The following PPIL6 variants were observed in gnomAD, a reference collection of about 807,000 sequenced individuals.
The protein encoded by PPIL6 is peptidylprolyl isomerase like 6.
Under a neutral mutation model 36.8 loss-of-function variants are expected in PPIL6, and 39 were observed. The ratio of observed to expected loss-of-function variants is 1.06; its 90% CI spans 0.82 to 1.38. The LOEUF is 1.38. PPIL6 is among the 40% of genes most tolerant of loss of function. PPIL6 has a pLI of 0.00. For synonymous variants in PPIL6, 123 were observed against 134.1 expected (o/e 0.92, Z 0.57); for missense variants, 368 against 379.1 (o/e 0.97, Z 0.24).
chr6:109,400,339 G>A (rs1022836806), intron 6 of PPIL6, among the ~76,000 whole-genome samples, 169 bp from the exon 7 acceptor site: 4 of 151,992 alleles, frequency 2.6e-5, no homozygotes, highest in African/African-American at 9.7e-5. Flanking sequence ...ACATGCAAAT[G>A]GGCTGTTTAA....
intron 7 of PPIL6, among the ~76,000 whole-genome samples, chr6:109,395,484 C>T (rs1772257441): frequency 2.0e-5 from 3 of 151,928 alleles, no homozygotes; most frequent in Admixed American, 1.3e-4. Context: ...CCAGTGGCCA[C>T]ATGTGGCCAG....
chr6:109,401,999 A>G (rs1314081637), intron 6 of PPIL6, among the ~76,000 whole-genome samples: 1 of 151,846 alleles, frequency 6.6e-6, no homozygotes, highest in Non-Finnish European at 1.5e-5. Context: ...CTGGGATTAC[A>G]GGCGTGAGCC....
At chr6:109,424,353 C>CACA (rs879306101) in intron 5 of PPIL6, among the ~76,000 whole-genome samples, 2 of 151,938 alleles carry the variant, frequency 1.3e-5, no homozygotes, top group Non-Finnish European at 2.9e-5. Flanking sequence ...GTGTGTGCAA[C>CACA]CGAGTGTGTA....
intron 6 of PPIL6, among the ~76,000 whole-genome samples, chr6:109,404,679 A>G (rs1772714854): frequency 6.6e-6 from 1 of 152,220 alleles, no homozygotes; most frequent in Non-Finnish European, 1.5e-5. Context: ...TGTCACTTGC[A>G]TGTTTTCATT....
At chr6:109,437,907 T>C (rs1774544716) in intron 1 of PPIL6, among the ~76,000 whole-genome samples, 1 of 152,216 alleles carries the variant, frequency 6.6e-6, no homozygotes, top group Non-Finnish European at 1.5e-5. Flanking sequence ...GAATAAACTA[T>C]AAATCCAGCA....
At chr6:109,440,987 G>A (rs1206789312), upstream of PPIL6, 46 of 842,098 alleles carry the variant, frequency 5.5e-5, no homozygotes, top group South Asian at 6.0e-4. Context: ...AGCCACGCGG[G>A]CTTGGTGCCC....
chr6:109,417,822 G>C (rs1288607814), intron 6 of PPIL6, among the ~76,000 whole-genome samples: 1 of 152,170 alleles, frequency 6.6e-6, no homozygotes, highest in Non-Finnish European at 1.5e-5. Context: ...TCTTGTTACT[G>C]ATCGCTATAG....
chr6:109,434,106 G>GA (rs898211453), intron 2 of PPIL6, among the ~76,000 whole-genome samples: 17 of 151,048 alleles, frequency 1.1e-4, no homozygotes, highest in African/African-American at 3.9e-4. Context: ...TGATAAAAAA[G>GA]AAAAAAAAAG....
intron 6 of PPIL6, among the ~76,000 whole-genome samples, chr6:109,418,600 G>A (rs934265400): frequency 6.7e-6 from 1 of 148,890 alleles, no homozygotes; most frequent in Non-Finnish European, 1.5e-5. Flanking sequence ...AGGCTGGAGT[G>A]CAGTGGCACC....
At chr6:109,427,766 T>C (rs1196248446) in intron 3 of PPIL6, among the ~76,000 whole-genome samples, 1 of 152,268 alleles carries the variant, frequency 6.6e-6, no homozygotes, top group African/African-American at 2.4e-5. Flanking sequence ...GTGAAACACA[T>C]GGCCTAGATA....
chr6:109,399,552 G>A (rs1772442418), intron 7 of PPIL6, among the ~76,000 whole-genome samples: 1 of 152,154 alleles, frequency 6.6e-6, no homozygotes, highest in South Asian at 2.1e-4. Flanking sequence ...ACAGGCACAT[G>A]CCATCATGCC....
chr6:109,436,928 TAC>T (rs1446639652), intron 1 of PPIL6, among the ~76,000 whole-genome samples: 4 of 152,208 alleles, frequency 2.6e-5, no homozygotes, highest in Non-Finnish European at 5.9e-5. Context: ...TCGGTGGATC[TAC>T]AGATACTTTA....
At chr6:109,419,697 T>C (rs764682340) in intron 5 of PPIL6, among the ~76,000 whole-genome samples, 1 of 151,728 alleles carries the variant, frequency 6.6e-6, no homozygotes, top group Non-Finnish European at 1.5e-5. Context: ...CACTCCAGCC[T>C]GAGCAACGAG....
chr6:109,419,291 T>A, intron 5 of PPIL6, 48 bp from the exon 6 acceptor site: 1 of 1,271,494 alleles, frequency 7.9e-7, no homozygotes, highest in African/African-American at 1.5e-5. Context: ...ATGAAAAGAT[T>A]TAGGATACAA....
chr6:109,439,577 G>C (rs1370611684), intron 1 of PPIL6, among the ~76,000 whole-genome samples: 1 of 152,104 alleles, frequency 6.6e-6, no homozygotes, highest in Non-Finnish European at 1.5e-5. Context: ...GGCTGGTCTA[G>C]AACTCCGCCT....
chr6:109,432,921 C>T (rs1382312779), intron 2 of PPIL6, among the ~76,000 whole-genome samples: 1 of 152,154 alleles, frequency 6.6e-6, no homozygotes, highest in Non-Finnish European at 1.5e-5. Flanking sequence ...TTCCTATGCC[C>T]TTATCAAAAC....
intron 7 of PPIL6, among the ~76,000 whole-genome samples, chr6:109,394,033 C>T (rs1291631872): frequency 6.6e-6 from 1 of 152,204 alleles, no homozygotes; most frequent in Non-Finnish European, 1.5e-5. Context: ...CTACCAGGCA[C>T]CTGACAACAT....
intron 7 of PPIL6, among the ~76,000 whole-genome samples, chr6:109,396,640 A>G (rs534418984): frequency 6.6e-6 from 1 of 150,386 alleles, no homozygotes; most frequent in South Asian, 2.1e-4. Flanking sequence ...ACTTTCCATG[A>G]CCCCCTCCCA....
At chr6:109,399,676 T>A (rs533483579) in intron 7 of PPIL6, among the ~76,000 whole-genome samples, 94 of 152,290 alleles carry the variant, frequency 6.2e-4, no homozygotes, top group African/African-American at 2.2e-3. Context: ...GTGCTGAGAT[T>A]ACAGGCATGA....
Sources: gnomAD v4.1 joint callset for allele counts (sites outside exome capture counted in the v4.1 genomes callset) on GRCh38, gnomAD v4.1.1 for gene constraint, MANE v1.5 for transcripts, NCBI Gene and HGNC (gene_info 2026-07-23, HGNC 2026-07-21) for gene names.